CTPS2: variants seen among roughly 807,000 people sequenced by gnomAD.
CTPS2 encodes the protein CTP synthase 2.
In CTPS2, 19 loss-of-function variants were observed where a neutral mutation model predicts 46.8. The observed-to-expected ratio is 0.41, with a 90% CI of 0.28 to 0.60. The LOEUF (loss-of-function observed/expected upper bound fraction) is 0.60, where lower values mean the gene tolerates loss of function less well. Ranked by LOEUF, CTPS2 falls within the 20% of genes least tolerant of loss-of-function variation. The pLI, the probability that CTPS2 is intolerant of heterozygous loss-of-function variation, is 0.35. For synonymous variants in CTPS2, 151 were observed against 165.2 expected, an observed-to-expected ratio of 0.91 and a Z score of 0.66; for missense variants, 286 against 447.6, an observed-to-expected ratio of 0.64 and a Z score of 3.26.
chrX:16,619,094 A>G (rs1264760498), intron 15 of CTPS2, among the ~76,000 whole-genome samples: 1 of 112,431 alleles, frequency 8.9e-6, no homozygotes, highest in Non-Finnish European at 1.9e-5. Flanking sequence ...TTCCCAATGG[A>G]AATAAGACCA....
chrX:16,656,707 C>T lies in CTPS2; in HGVS notation c.1296+10807G>A, dbSNP rs781442593. Among the ~76,000 whole-genome samples, 3 of 111,820 alleles carry T rather than the reference C, an allele frequency of 2.7e-5. No homozygotes were observed. The South Asian group carries it at 1.1e-3, about 42-fold the overall frequency. On this transcript the variant is annotated intron_variant, in intron 13 of 18. Transcript: ENST00000359276. Reference sequence around the variant, plus strand: ...GGGATTACAGGCGTGAGCCACCATGCCCGGCCCATTTCCACTTTCAAAGTG... The same window carrying T: ...GGGATTACAGGCGTGAGCCACCATGTCCGGCCCATTTCCACTTTCAAAGTG...
chrX:16,593,372 C>T (rs752162968), intron 17 of CTPS2, among the ~76,000 whole-genome samples: 83 of 99,685 alleles, frequency 8.3e-4, no homozygotes, highest in African/African-American at 2.6e-3. Context: ...GAGCTTGCAA[C>T]GAGCCAAGAT....
chrX:16,674,639 C>G lies in CTPS2; in HGVS notation c.1094+3723G>C, dbSNP rs771329427. Among the ~76,000 whole-genome samples, 318 of 104,599 alleles carry G rather than the reference C, an allele frequency of 3.0e-3. 2 individuals are homozygous for G. Among genetic ancestry groups the G allele is most frequent in the African/African-American group, 0.011 (300 of 28,171 alleles). The allele number at this position is 104,599 out of a possible 115,157, so 90.8% of individuals were successfully genotyped here. Reference sequence around the variant, plus strand: ...AGATCACGAGGTCAGGAGATCGAGACCATCCTGGCTAACACGGTGAAACCC... The same window carrying G: ...AGATCACGAGGTCAGGAGATCGAGAGCATCCTGGCTAACACGGTGAAACCC... On this transcript the variant is annotated intron_variant, in intron 10 of 18. Coordinates refer to ENST00000359276, the MANE Select transcript of CTPS2 (RefSeq NM_175859.3).
chrX:16,596,271 A>G (rs1929256895), intron 17 of CTPS2, among the ~76,000 whole-genome samples: 1 of 109,290 alleles, frequency 9.1e-6, no homozygotes, highest in South Asian at 4.0e-4. Flanking sequence ...TACATGTGCC[A>G]TGCTGGTGCG....
At chrX:16,593,243 C>T (rs1246523027) in intron 17 of CTPS2, among the ~76,000 whole-genome samples, 1 of 110,621 alleles carries the variant, frequency 9.0e-6, no homozygotes, top group East Asian at 2.8e-4. Flanking sequence ...TCCTGGCTAA[C>T]ACGGTGAAAC....
chrX:16,694,135 G>A (rs2147362780), intron 4 of CTPS2, among the ~76,000 whole-genome samples: 1 of 111,953 alleles, frequency 8.9e-6, no homozygotes, highest in East Asian at 2.8e-4. Flanking sequence ...TTGCACTCCA[G>A]CCTGGGCGAC....
At chrX:16,643,905 C>T (rs1407213146) in intron 13 of CTPS2, among the ~76,000 whole-genome samples, 1 of 111,505 alleles carries the variant, frequency 9.0e-6, no homozygotes, top group Non-Finnish European at 1.9e-5. Flanking sequence ...CTTCTCCCTC[C>T]CATTCCTCAT....
chrX:16,664,131 C>T (rs765787973), intron 13 of CTPS2, among the ~76,000 whole-genome samples: 8 of 112,221 alleles, frequency 7.1e-5, no homozygotes, highest in East Asian at 5.6e-4. Flanking sequence ...CCACTGCGCC[C>T]GGCCATGTGT....
In CTPS2 at chrX:16,678,386, G is replaced by T; in HGVS notation, c.1070C>A (p.Ala357Asp). 8.3e-7 allele frequency: 1 copy of T among 1,202,514 alleles called. No individual in the cohort carries two copies. Among genetic ancestry groups the T allele is most frequent in the Non-Finnish European group, 1.1e-6 (1 of 888,679 alleles). Reference sequence around the variant, plus strand: ...CTCAGCTTTGCATAGCTTCTGCCAAGCTTCATGAAATTTCACAGGGTCCTC... The same window carrying T: ...CTCAGCTTTGCATAGCTTCTGCCAATCTTCATGAAATTTCACAGGGTCCTC... ...ETEDPVKFHE[A>D]WQKLCKADGI... Residue 357 changes from alanine (A) to aspartate (D), a missense_variant, in exon 10 of 19, where the codon GCT (alanine) becomes GAT (aspartate). Ala to Asp is a moderately radical substitution (Grantham distance 126). Transcript: ENST00000359276.
At chrX:16,636,036 T>C (rs1931725642) in intron 14 of CTPS2, among the ~76,000 whole-genome samples, 1 of 112,275 alleles carries the variant, frequency 8.9e-6, no homozygotes, top group African/African-American at 3.2e-5. Flanking sequence ...GAATATTATT[T>C]GGCCATTAAA....
At chrX:16,703,995 G>A (rs184816680) in intron 1 of CTPS2, among the ~76,000 whole-genome samples, 2 of 103,915 alleles carry the variant, frequency 1.9e-5, no homozygotes, top group East Asian at 6.1e-4. Context: ...CTGGAGTATA[G>A]TGACACAATC....
chrX:16,648,046 T>G (rs940475680), intron 13 of CTPS2, among the ~76,000 whole-genome samples: 13 of 111,635 alleles, frequency 1.2e-4, no homozygotes, highest in African/African-American at 4.2e-4. Context: ...GAGGCTGCAG[T>G]GAGCTGTGTT....
chrX:16,640,719 C>G (rs62589072), intron 13 of CTPS2, among the ~76,000 whole-genome samples: 21,817 of 110,964 alleles, frequency 0.2, 1,770 homozygotes, highest in Middle Eastern at 0.28. Flanking sequence ...TTGGGTGAGT[C>G]GACCTGTTCT....
intron 13 of CTPS2, among the ~76,000 whole-genome samples, chrX:16,647,877 T>C (rs964371485): frequency 1.8e-5 from 2 of 109,476 alleles, no homozygotes; most frequent in Non-Finnish European, 3.8e-5. Context: ...AGCCCAGGAG[T>C]TGGAGACCAT....
chrX:16,618,836 T>C (rs903321890), intron 15 of CTPS2, among the ~76,000 whole-genome samples: 1 of 112,247 alleles, frequency 8.9e-6, no homozygotes, highest in Admixed American at 9.5e-5. Flanking sequence ...AAGTCCCTTA[T>C]CCAATACAGG....
At chrX:16,649,780 C>T (rs1367349210) in intron 13 of CTPS2, among the ~76,000 whole-genome samples, 2 of 112,450 alleles carry the variant, frequency 1.8e-5, no homozygotes, top group Non-Finnish European at 1.9e-5. Flanking sequence ...CATGAGCTAC[C>T]GCACAGGGCA....
At chrX:16,595,134 G>A (rs1299827151) in intron 17 of CTPS2, among the ~76,000 whole-genome samples, 1 of 106,898 alleles carries the variant, frequency 9.4e-6, no homozygotes, top group Non-Finnish European at 1.9e-5. Flanking sequence ...TCTATCTTAG[G>A]ACTAACCTAT....
At chrX:16,651,420 G>C (rs1932625628) in intron 13 of CTPS2, among the ~76,000 whole-genome samples, 1 of 111,787 alleles carries the variant, frequency 8.9e-6, no homozygotes, top group Non-Finnish European at 1.9e-5. Context: ...AGACCCACAA[G>C]TCACCAAGCA....
At chrX:16,697,641 G>A (rs766994175) in intron 4 of CTPS2, among the ~76,000 whole-genome samples, 9 of 108,351 alleles carry the variant, frequency 8.3e-5, no homozygotes, top group African/African-American at 3.0e-4. Context: ...ACGGGTTTTC[G>A]CCATGTTGCC....
Sources: gnomAD v4.1 joint callset for allele counts (sites outside exome capture counted in the v4.1 genomes callset) on GRCh38, gnomAD v4.1.1 for gene constraint, MANE v1.5 for transcripts, NCBI Gene and HGNC (gene_info 2026-07-23, HGNC 2026-07-21) for gene names.